LOXHD1: variants seen among roughly 807,000 people sequenced by gnomAD.
LOXHD1 encodes lipoxygenase homology domain-containing protein 1.
LOXHD1 carries 205 observed loss-of-function variants against 248.2 expected under a neutral mutation model. The ratio of observed to expected loss-of-function variants is 0.83; its 90% CI spans 0.74 to 0.93. The LOEUF (loss-of-function observed/expected upper bound fraction) is 0.93. LOXHD1 is among the 40% of genes least tolerant of loss of function. The pLI, the probability that LOXHD1 is intolerant of heterozygous loss-of-function variation, is 0.00. For missense variants in LOXHD1, 2,930 were observed against 2,971.6 expected (o/e 0.99, Z 0.33); for synonymous variants, 1,113 against 1,162.8 (o/e 0.96, Z 0.87).
At chr18:46,648,179 A>C (rs2039056769) in intron 2 of LOXHD1, among the ~76,000 whole-genome samples, 1 of 152,070 alleles carries the variant, frequency 6.6e-6, no homozygotes, top group Admixed American at 6.6e-5. Context: ...AATCGCTTGA[A>C]CCTGGGAGGT....
chr18:46,479,771 A>AC (rs1036497721), intron 40 of LOXHD1, among the ~76,000 whole-genome samples: 4 of 150,636 alleles, frequency 2.7e-5, no homozygotes, highest in Admixed American at 1.3e-4. Flanking sequence ...CAGAAAAAAA[A>AC]AAAAACAAAA....
chr18:46,620,041 C>T (rs74678603), intron 4 of LOXHD1, among the ~76,000 whole-genome samples: 3,766 of 152,280 alleles, frequency 0.025, 147 homozygotes, highest in African/African-American at 0.075. Context: ...CTCAGGTTAC[C>T]TGGCAGTAAC....
At chr18:46,564,794 C>T (rs891783998) in intron 17 of LOXHD1, among the ~76,000 whole-genome samples, 3 of 152,120 alleles carry the variant, frequency 2.0e-5, no homozygotes, top group East Asian at 1.9e-4. Context: ...CATTACAAAG[C>T]GTGTGTATAT....
intron 18 of LOXHD1, among the ~76,000 whole-genome samples, 198 bp downstream of exon 18, chr18:46,562,867 G>A (rs1047238027): frequency 6.6e-6 from 1 of 152,146 alleles, no homozygotes; most frequent in African/African-American, 2.4e-5. Flanking sequence ...GGCCAGGGGT[G>A]GGAATCACTG....
Position 46,524,739 on chromosome 18 carries a change from T to A in LOXHD1, c.4709A>T (p.Asp1570Val). 6.4e-7 allele frequency: 1 copy of A among 1,551,710 alleles called. No individual in the cohort carries two copies. Among genetic ancestry groups the A allele is most frequent in the Non-Finnish European group, 8.7e-7 (1 of 1,146,994 alleles). Reference sequence around the variant, plus strand: ...GTAAAAGAGCCTCTCGAGTCGCCCATCCTCCTTCTTCAGGGAGAGCCAGCG... The same window carrying A: ...GTAAAAGAGCCTCTCGAGTCGCCCAACCTCCTTCTTCAGGGAGAGCCAGCG... ...CGRWLSLKKE[D>V]GRLERLFYEK... The change falls in exon 30 of 41, where the codon GAT becomes GTT. Residue 1570 changes from aspartate (D) to valine (V), a missense_variant. Asp to Val is a radical substitution (Grantham distance 152). Coordinates refer to ENST00000642948, the MANE Select transcript of LOXHD1 (RefSeq NM_001384474.1).
intron 11 of LOXHD1, 38 bp downstream of exon 11, chr18:46,592,460 C>T: frequency 2.0e-6 from 3 of 1,498,492 alleles, no homozygotes; most frequent in Non-Finnish European, 2.7e-6. Context: ...TTGTTCCTTT[C>T]CCAACAACCT....
chr18:46,521,356 C>T, intron 32 of LOXHD1, 74 bp from the exon 33 acceptor site: 2 of 1,495,580 alleles, frequency 1.3e-6, no homozygotes, highest in Non-Finnish European at 1.8e-6. Flanking sequence ...CCAGCCCCCT[C>T]CCTCAGTGCT....
chr18:46,614,810 C>G (rs2038562361), intron 5 of LOXHD1, among the ~76,000 whole-genome samples: 2 of 151,720 alleles, frequency 1.3e-5, no homozygotes, highest in Admixed American at 1.3e-4. Flanking sequence ...AATTTATCAG[C>G]CTGATTTTGG....
intron 6 of LOXHD1, among the ~76,000 whole-genome samples, chr18:46,604,784 G>A (rs929987774): frequency 1.3e-5 from 2 of 152,180 alleles, no homozygotes; most frequent in Non-Finnish European, 2.9e-5. Flanking sequence ...AAGTTAGTGA[G>A]GCTGAGATAA....
At position 46,534,334 on chromosome 18, in the gene LOXHD1, C is replaced by A; in HGVS notation, c.4212+1G>T. 3.2e-6 allele frequency: 5 copies of A among 1,549,198 alleles called. No homozygotes were observed. The highest frequency in any genetic ancestry group is 4.4e-6 in the Non-Finnish European group (5 of 1,144,796). On this transcript the variant is annotated splice_donor_variant, in intron 27 of 40. Transcript: ENST00000642948. LOFTEE classifies it high-confidence loss of function. ...GCAGGACAGACCAGTCAACAACTCA[C>A]GTCTTTATCCGGGAGGAGCCTGCGG...
rs748171368 is a variant in LOXHD1 at position 46,657,075 on chromosome 18, C to T, written c.-42G>A. On this transcript the variant is annotated 5_prime_UTR_variant, in exon 1 of 41. Coordinates refer to ENST00000642948, the MANE Select transcript of LOXHD1 (RefSeq NM_001384474.1). ...TCCCAGCGCTCGCAGGCTCACTGTG[C>T]CGCCTCCTCACACCTGCGGGAACCT... 4 of 1,551,100 alleles carry T rather than the reference C, an allele frequency of 2.6e-6. No homozygotes were observed. Among genetic ancestry groups the T allele is most frequent in the South Asian group, 2.4e-5 (2 of 84,030 alleles).
intron 4 of LOXHD1, among the ~76,000 whole-genome samples, chr18:46,630,163 G>A (rs528964494): frequency 6.6e-6 from 1 of 152,320 alleles, no homozygotes; most frequent in Non-Finnish European, 1.5e-5. Context: ...CAGTGCCTGA[G>A]TCTGAAACAT....
intron 2 of LOXHD1, among the ~76,000 whole-genome samples, chr18:46,648,110 T>C (rs2039055738): frequency 6.6e-6 from 1 of 152,022 alleles, no homozygotes; most frequent in Non-Finnish European, 1.5e-5. Flanking sequence ...TATGAAAAAT[T>C]AGCCGGTTAT....
In LOXHD1 at chr18:46,506,191, G is replaced by A. The variant is rs77538221; in HGVS notation, c.5693-168C>T. On this transcript the variant is annotated intron_variant, in intron 36 of 40. Transcript: ENST00000642948. ...TGGAAAGGGTCAATTACTGTCCCAG[G>A]TCTCCAATTCTCTTCTTCATCTTAT... is the stretch of plus-strand genomic sequence containing the variant. Among the ~76,000 whole-genome samples, 1,151 of 152,202 alleles carry A rather than the reference G, an allele frequency of 7.6e-3. 16 individuals carry two copies. Among genetic ancestry groups the A allele is most frequent in the African/African-American group, 0.026 (1,077 of 41,514 alleles).
chr18:46,530,696 G>T (rs989863078), intron 28 of LOXHD1, among the ~76,000 whole-genome samples: 1 of 152,184 alleles, frequency 6.6e-6, no homozygotes, highest in African/African-American at 2.4e-5. Flanking sequence ...TGAGTTGCTT[G>T]TCCCCATGGC....
intron 21 of LOXHD1, among the ~76,000 whole-genome samples, chr18:46,552,517 A>C (rs369819125): frequency 8.5e-4 from 129 of 152,228 alleles, no homozygotes; most frequent in African/African-American, 2.9e-3. Context: ...TAGGAGGGCT[A>C]GGAGTGGTTC....
chr18:46,642,948 G>A (rs2038981878), intron 2 of LOXHD1, among the ~76,000 whole-genome samples: 1 of 152,200 alleles, frequency 6.6e-6, no homozygotes, highest in African/African-American at 2.4e-5. Context: ...ACAGCTCATG[G>A]GAAAGGAAAA....
rs756574288 is a variant in LOXHD1, at chr18:46,641,917, A to G, written c.326+39T>C. 1.8e-5 allele frequency: 27 copies of G among 1,531,668 alleles called. No homozygotes were observed. In the South Asian group the frequency reaches 2.3e-4, roughly 13 times the overall value. The allele number at this position is 1,531,668 out of a possible 1,614,324, so 94.9% of individuals were successfully genotyped here. ...ATATTGAAGTCAATCCCTCACTTTC[A>G]TCTCCACCCTCAATCCTAGTCAGGC... On this transcript the variant is annotated intron_variant, in intron 3 of 40. Coordinates refer to ENST00000642948, the MANE Select transcript of LOXHD1 (RefSeq NM_001384474.1).
rs369682197 is a variant in LOXHD1, at chr18:46,592,540, C to A, written c.1476G>T (p.Trp492Cys). 165 of 1,551,524 alleles carry A rather than the reference C, an allele frequency of 1.1e-4. No individual in the cohort carries two copies. The highest frequency in any genetic ancestry group is 1.4e-4 in the Non-Finnish European group (157 of 1,146,966). Residue 492 changes from tryptophan to cysteine, a missense_variant, in exon 11 of 41, where the codon TGG (tryptophan) becomes TGT (cysteine). Coordinates refer to ENST00000642948, the MANE Select transcript of LOXHD1 (RefSeq NM_001384474.1). ...CAGAACCAGAACTCCTTTTATCATG[C>A]CATACTCGAATCTTATAAAACCTGC... ...DLGRFYKIRV[W>C]HDKRSSGSGW...
Sources: allele counts gnomAD v4.1 joint callset (sites outside exome capture counted in the v4.1 genomes callset), GRCh38; gene constraint gnomAD v4.1.1; transcripts MANE v1.5; gene names NCBI Gene and HGNC (gene_info 2026-07-23, HGNC 2026-07-21).